NALF1: variants seen among roughly 807,000 people sequenced by gnomAD.
NALF1 encodes NALCN channel auxiliary factor 1, also known as family with sequence similarity 155 member A.
NALF1 carries 3 observed loss-of-function variants against 48.4 expected under a neutral mutation model. That is an observed-to-expected ratio of 0.06 (90% confidence interval 0.03 to 0.16). The LOEUF is 0.16. Ranked by LOEUF, NALF1 falls within the 10% of genes least tolerant of loss-of-function variation. The probability of loss-of-function intolerance (pLI) is 1.00; values close to 1 mark genes in which losing one functional copy is unlikely to be tolerated. For missense variants in NALF1, 526 were observed against 571.5 expected (o/e 0.92, Z 0.81); for synonymous variants, 262 against 245.7 (o/e 1.07, Z -0.62).
At position 107,470,152 on chromosome 13, in the gene NALF1, G is replaced by A. The variant is rs1434150314; in HGVS notation, c.916-259397C>T. On this transcript the variant is annotated intron_variant, in intron 1 of 2. Transcript: ENST00000375915. Reference sequence around the variant, plus strand: ...TTGTCAAAAAAATTTAAAAATGCTAGAATAATAAAATCTTGTCTGGAAAGG... The same window carrying A: ...TTGTCAAAAAAATTTAAAAATGCTAAAATAATAAAATCTTGTCTGGAAAGG... Among the ~76,000 whole-genome samples, 3 of 152,044 alleles carry A rather than the reference G, an allele frequency of 2.0e-5. No individual in the cohort carries two copies. In the East Asian group the frequency reaches 5.8e-4, roughly 29 times the overall value.
chr13:107,514,789 C>T (rs1197060673), intron 1 of NALF1, among the ~76,000 whole-genome samples: 2 of 152,152 alleles, frequency 1.3e-5, no homozygotes, highest in East Asian at 1.9e-4. Context: ...AAAGCCTATA[C>T]TCTCCCCCAC....
At chr13:107,547,008 G>C (rs1344555804) in intron 1 of NALF1, among the ~76,000 whole-genome samples, 1 of 152,158 alleles carries the variant, frequency 6.6e-6, no homozygotes, top group Non-Finnish European at 1.5e-5. Flanking sequence ...CTGCTCATTT[G>C]CAAGTGGAGA....
intron 1 of NALF1, among the ~76,000 whole-genome samples, chr13:107,770,510 A>G (rs9301257): frequency 0.46 from 69,727 of 152,052 alleles, 17,241 homozygotes; most frequent in East Asian, 0.77. Flanking sequence ...TTTAAGGAAA[A>G]ATACAGTTCA....
In NALF1 at chr13:107,168,835, G is replaced by A. The variant is rs1878724552; in HGVS notation, c.*1662C>T. On this transcript the variant is annotated 3_prime_UTR_variant, in exon 3 of 3. Transcript: ENST00000375915. ...CCCGGGGAAATTTCATAGCTATAAA[G>A]TTAATAACTAAATTTTGTTCACTAA... is the stretch of plus-strand genomic sequence containing the variant. 2 of 152,546 alleles carry A rather than the reference G, an allele frequency of 1.3e-5. No individual in the cohort carries two copies. The highest frequency in any genetic ancestry group is 2.9e-5 in the Non-Finnish European group (2 of 68,028). The allele number at this position is 152,546 out of a possible 1,614,324, so 9.4% of individuals were successfully genotyped here. A position where few individuals can be genotyped will look rare whatever the true frequency, so the allele number is the denominator to read the frequency against.
At chr13:107,206,687 A>C (rs533149166) in intron 2 of NALF1, among the ~76,000 whole-genome samples, 1 of 152,322 alleles carries the variant, frequency 6.6e-6, no homozygotes, top group South Asian at 2.1e-4. Flanking sequence ...AGAACTTGAG[A>C]TCTCTAAGAT....
intron 1 of NALF1, among the ~76,000 whole-genome samples, chr13:107,806,078 A>C (rs1022192463): frequency 6.6e-6 from 1 of 152,206 alleles, no homozygotes; most frequent in Non-Finnish European, 1.5e-5. Context: ...TCAGATTGCA[A>C]GCATTTGAAG....
At chr13:107,205,919 G>A (rs1180348400) in intron 2 of NALF1, among the ~76,000 whole-genome samples, 1 of 151,996 alleles carries the variant, frequency 6.6e-6, no homozygotes, top group Non-Finnish European at 1.5e-5. Context: ...GGAATGAGGC[G>A]AGGGAGTGTG....
At chr13:107,420,483 AAATT>A (rs1884167184) in intron 1 of NALF1, among the ~76,000 whole-genome samples, 1 of 152,124 alleles carries the variant, frequency 6.6e-6, no homozygotes, top group East Asian at 1.9e-4. Flanking sequence ...TAACTGGCAA[AAATT>A]AATTCTGTTA....
At chr13:107,438,826 TC>T (rs1469634443) in intron 1 of NALF1, among the ~76,000 whole-genome samples, 1 of 4,986 alleles carries the variant, frequency 2.0e-4, no homozygotes, top group Non-Finnish European at 3.9e-4. Flanking sequence ...AGACTCCATC[TC>T]AAAAAAAAAA....
At chr13:107,252,292 C>T (rs941032567) in intron 1 of NALF1, among the ~76,000 whole-genome samples, 2 of 151,988 alleles carry the variant, frequency 1.3e-5, no homozygotes, top group Admixed American at 6.6e-5. Flanking sequence ...CCACAGCACA[C>T]GGGCCTCTTC....
chr13:107,592,682 T>C (rs924161763), intron 1 of NALF1, among the ~76,000 whole-genome samples: 2 of 151,886 alleles, frequency 1.3e-5, no homozygotes, highest in Admixed American at 1.3e-4. Context: ...TAGAAAACAT[T>C]TACTCATTTT....
At chr13:107,282,093 C>A (rs1445333979) in intron 1 of NALF1, among the ~76,000 whole-genome samples, 1 of 152,112 alleles carries the variant, frequency 6.6e-6, no homozygotes, top group Non-Finnish European at 1.5e-5. Flanking sequence ...GCATGAGCAA[C>A]AAGGGGAGGA....
At chr13:107,461,235 G>C (rs1275727078) in intron 1 of NALF1, among the ~76,000 whole-genome samples, 2 of 151,924 alleles carry the variant, frequency 1.3e-5, no homozygotes, top group Admixed American at 1.3e-4. Flanking sequence ...ATGAGATCTT[G>C]TCCATTTTTT....
At chr13:107,813,861 T>C (rs1274255825) in intron 1 of NALF1, among the ~76,000 whole-genome samples, 1 of 151,972 alleles carries the variant, frequency 6.6e-6, no homozygotes, top group East Asian at 1.9e-4. Flanking sequence ...TGAGTTTAAT[T>C]AAATAATTAA....
At chr13:107,563,327 C>T (rs184965262) in intron 1 of NALF1, among the ~76,000 whole-genome samples, 1 of 152,262 alleles carries the variant, frequency 6.6e-6, no homozygotes, top group Non-Finnish European at 1.5e-5. Context: ...TTGTGACAAA[C>T]AATCACTGCT....
At chr13:107,816,323 C>T (rs952172894) in intron 1 of NALF1, among the ~76,000 whole-genome samples, 11 of 152,040 alleles carry the variant, frequency 7.2e-5, no homozygotes, top group African/African-American at 2.7e-4. Flanking sequence ...TACGAGGCTG[C>T]GAAGAAAAAT....
intron 1 of NALF1, among the ~76,000 whole-genome samples, chr13:107,302,716 T>C (rs953206259): frequency 5.9e-5 from 9 of 152,224 alleles, no homozygotes; most frequent in Non-Finnish European, 1.2e-4. Context: ...TGAATCTGAA[T>C]TGGATCAAGG....
chr13:107,506,190 ATGAGG>A (rs1469590541), intron 1 of NALF1, among the ~76,000 whole-genome samples: 6 of 152,148 alleles, frequency 3.9e-5, no homozygotes, highest in Non-Finnish European at 8.8e-5. Flanking sequence ...AACTTATGAC[ATGAGG>A]ATGCTGTATA....
intron 1 of NALF1, among the ~76,000 whole-genome samples, chr13:107,663,801 A>G (rs1880787495): frequency 6.6e-6 from 1 of 152,132 alleles, no homozygotes. Context: ...TATTTCATGC[A>G]CTTTCTTCAT....
Sources: allele counts gnomAD v4.1 joint callset (sites outside exome capture counted in the v4.1 genomes callset), GRCh38; gene constraint gnomAD v4.1.1; transcripts MANE v1.5; gene names NCBI Gene and HGNC (gene_info 2026-07-23, HGNC 2026-07-21).